The following FAM199X variants were observed in gnomAD, a reference collection of about 807,000 sequenced individuals.
The protein encoded by FAM199X is protein FAM199X.
A neutral mutation model predicts 22.9 loss-of-function variants in FAM199X; 4 were observed. The observed-to-expected ratio is 0.17, with a 90% confidence interval of 0.09 to 0.40. FAM199X has a LOEUF of 0.40. Ranked by LOEUF, FAM199X falls within the 10% of genes least tolerant of loss-of-function variation. FAM199X has a pLI of 1.00. For missense variants in FAM199X, 183 were observed against 306.8 expected, an observed-to-expected ratio of 0.60 and a Z score of 3.01; for synonymous variants, 101 against 112.3, an observed-to-expected ratio of 0.90 and a Z score of 0.64.
chrX:104,174,730 G>A (rs1278150623), intron 1 of FAM199X, among the ~76,000 whole-genome samples: 1 of 111,349 alleles, frequency 9.0e-6, no homozygotes, highest in Non-Finnish European at 1.9e-5. Flanking sequence ...AGTGAAAAAA[G>A]CAATATACTA....
chrX:104,173,917 G>A (rs782025966), intron 1 of FAM199X, among the ~76,000 whole-genome samples: 8 of 111,986 alleles, frequency 7.1e-5, no homozygotes, highest in African/African-American at 2.6e-4. Flanking sequence ...ACACCATAGC[G>A]AAATAGCTAA....
intron 2 of FAM199X, 64 bp downstream of exon 2, chrX:104,175,906 T>C (rs1192789063): frequency 1.0e-5 from 8 of 802,040 alleles, no homozygotes; most frequent in Non-Finnish European, 1.4e-5. Flanking sequence ...ACTTTTCTTT[T>C]GATATTTTCA....
intron 1 of FAM199X, among the ~76,000 whole-genome samples, chrX:104,169,857 C>T (rs190853799): frequency 8.9e-6 from 1 of 112,012 alleles, no homozygotes; most frequent in Admixed American, 9.4e-5. Flanking sequence ...TGTGAGCCAC[C>T]GCGCCCGGCC....
intron 4 of FAM199X, among the ~76,000 whole-genome samples, 162 bp from the exon 5 acceptor site, chrX:104,187,878 A>G (rs782678899): frequency 8.9e-6 from 1 of 112,110 alleles, no homozygotes; most frequent in African/African-American, 3.2e-5. Context: ...TTTATTTTCT[A>G]GTACTTATTT....
upstream of FAM199X, among the ~76,000 whole-genome samples, chrX:104,162,920 T>C (rs782529365): frequency 1.8e-5 from 2 of 111,938 alleles, no homozygotes; most frequent in South Asian, 3.7e-4. Context: ...AGACCCCACA[T>C]TGAAATATCC....
At chrX:104,157,357 C>T in the FAM199X span, among the ~76,000 whole-genome samples, 1 of 110,975 alleles carries the variant, frequency 9.0e-6, no homozygotes, top group Non-Finnish European at 1.9e-5. Context: ...GCCCTTTCTA[C>T]CCTCTATTCT....
upstream of FAM199X, among the ~76,000 whole-genome samples, chrX:104,164,228 C>T (rs1271721587): frequency 8.9e-6 from 1 of 111,988 alleles, no homozygotes; most frequent in African/African-American, 3.2e-5. Flanking sequence ...TCTTGGCCTT[C>T]GGCTTGTAAG....
intron 1 of FAM199X, among the ~76,000 whole-genome samples, 181 bp downstream of exon 1, chrX:104,167,163 C>T (rs1478078214): frequency 1.0e-5 from 1 of 99,527 alleles, no homozygotes; most frequent in Admixed American, 1.1e-4. Context: ...TCCTATTTTC[C>T]TTTCGACCGG....
At position 104,175,674 on chromosome X, in the gene FAM199X, G is replaced by A. The variant is rs782333205; in HGVS notation, c.249G>A (p.Glu83=). The A allele has an allele frequency of 1.2e-5, 14 of 1,209,930 alleles. No homozygotes were observed. In the Admixed American group the frequency reaches 3.1e-4, roughly 26 times the overall value. The change falls in exon 2 of 6, where the codon GAG becomes GAA. Residue 83 remains glutamate, a synonymous_variant. Transcript: ENST00000493442. ...GTGTTGCCAGCTCAGAAGGCAGTGA[G>A]GAGCTGTTTTCATCTGTGTCTGTTG... The part of the protein sequence containing the change: ...GTSVASSEGS[E]ELFSSVSVGD...
At chrX:104,161,827 C>T (rs1255383243), upstream of FAM199X, among the ~76,000 whole-genome samples, 1 of 109,277 alleles carries the variant, frequency 9.2e-6, no homozygotes, top group East Asian at 2.9e-4. Context: ...GGTAACAGAG[C>T]GTGACTCTGT....
Position 104,166,479 on chromosome X carries a change from G to C in FAM199X, c.-307G>C, listed in dbSNP as rs1276055233. On this transcript the variant is annotated 5_prime_UTR_variant, in exon 1 of 6. Transcript: ENST00000493442. ...GTCGCAAGCGGCGAGCGCAGTGGGCGGGGCGGGCCTGGCCGGGCCGGGCGG... is the reference window on the plus strand; with the variant it reads ...GTCGCAAGCGGCGAGCGCAGTGGGCCGGGCGGGCCTGGCCGGGCCGGGCGG... The C allele has an allele frequency of 6.3e-6, 1 of 157,852 alleles. No homozygotes were observed. Among genetic ancestry groups the C allele is most frequent in the African/African-American group, 3.1e-5 (1 of 32,591 alleles). 13.0% of individuals were successfully genotyped at this position (157,852 alleles called of 1,213,427 possible). A position where few individuals can be genotyped will look rare whatever the true frequency, so the allele number is the denominator to read the frequency against.
intron 1 of FAM199X, among the ~76,000 whole-genome samples, chrX:104,174,344 A>G (rs1332695482): frequency 2.9e-5 from 3 of 104,008 alleles, no homozygotes; most frequent in African/African-American, 1.3e-4. Flanking sequence ...TAAGATAGGT[A>G]AAAAAATTTT....
chrX:104,178,199 C>T (rs188213792), intron 2 of FAM199X, among the ~76,000 whole-genome samples: 1 of 110,244 alleles, frequency 9.1e-6, no homozygotes. Context: ...TCCCGCTCAG[C>T]TCAGTTGCCC....
intron 1 of FAM199X, 135 bp downstream of exon 1, chrX:104,167,117 C>G: frequency 2.0e-6 from 1 of 506,523 alleles, no homozygotes; most frequent in Non-Finnish European, 3.0e-6. Flanking sequence ...TCCCGGCCTC[C>G]TTCCCTGCCC....
At chrX:104,170,403 A>G (rs1201068713) in intron 1 of FAM199X, among the ~76,000 whole-genome samples, 1 of 111,224 alleles carries the variant, frequency 9.0e-6, no homozygotes, top group Non-Finnish European at 1.9e-5. Context: ...GATTTGGAGA[A>G]ATATCCAAGC....
intron 2 of FAM199X, among the ~76,000 whole-genome samples, chrX:104,179,244 TAAC>T (rs1921577637): frequency 8.9e-6 from 1 of 112,235 alleles, no homozygotes; most frequent in Non-Finnish European, 1.9e-5. Flanking sequence ...ATTGCCATCT[TAAC>T]AATATTAAAT....
chrX:104,165,241 TCAAA>T (rs782531647), upstream of FAM199X, among the ~76,000 whole-genome samples: 1 of 112,598 alleles, frequency 8.9e-6, no homozygotes, highest in African/African-American at 3.2e-5. Flanking sequence ...TGCTCAACAG[TCAAA>T]CAACCAAGTA....
chrX:104,174,507 C>A (rs187964078), intron 1 of FAM199X, among the ~76,000 whole-genome samples: 1,242 of 111,033 alleles, frequency 0.011, 22 homozygotes, highest in African/African-American at 0.039. Context: ...ACCTTTCAAG[C>A]AACTGTATCC....
At chrX:104,162,101 C>T (rs1180957986), upstream of FAM199X, among the ~76,000 whole-genome samples, 1 of 111,737 alleles carries the variant, frequency 8.9e-6, no homozygotes, top group Non-Finnish European at 1.9e-5. Context: ...CCCAGGTTCC[C>T]AATCACATCC....
Sources: allele counts gnomAD v4.1 joint callset (sites outside exome capture counted in the v4.1 genomes callset), GRCh38; gene constraint gnomAD v4.1.1; transcripts MANE v1.5; gene names NCBI Gene and HGNC (gene_info 2026-07-23, HGNC 2026-07-21).